GSN: variants seen among roughly 807,000 people sequenced by gnomAD.
The protein encoded by GSN is actin-depolymerizing factor.
Under a neutral mutation model 85.7 loss-of-function variants are expected in GSN, and 56 were observed. That is an observed-to-expected ratio of 0.65 (90% CI 0.53 to 0.82). GSN has a LOEUF of 0.82. Ranked by LOEUF, GSN falls within the 40% of genes least tolerant of loss-of-function variation. The pLI is 0.00. For synonymous variants in GSN, 373 were observed against 399.1 expected, an observed-to-expected ratio of 0.93 and a Z score of 0.78; for missense variants, 857 against 979.8, an observed-to-expected ratio of 0.87 and a Z score of 1.67.
chr9:121,314,093 CA>C (rs2061462165), intron 7 of GSN, 70 bp downstream of exon 7: 2 of 1,185,346 alleles, frequency 1.7e-6, no homozygotes, highest in East Asian at 4.7e-5. Context: ...TGGTCTTCCC[CA>C]CTCCACTGCT....
intron 4 of GSN, among the ~76,000 whole-genome samples, chr9:121,228,422 ATATTTTTTTT>A (rs1208862999): frequency 0.012 from 686 of 58,048 alleles, 8 homozygotes; most frequent in African/African-American, 0.065. Context: ...ATATATATAT[ATATTTTTTTT>A]TTTTTTTTTT....
At chr9:121,217,178 A>G (rs543971766) in intron 4 of GSN, among the ~76,000 whole-genome samples, 50 of 152,246 alleles carry the variant, frequency 3.3e-4, no homozygotes, top group African/African-American at 1.2e-3. Flanking sequence ...CCTGGCCAAC[A>G]TGGTGAAACC....
chr9:121,295,367 G>A (rs1219137870), intron 2 of GSN, among the ~76,000 whole-genome samples: 1 of 152,174 alleles, frequency 6.6e-6, no homozygotes, highest in Non-Finnish European at 1.5e-5. Context: ...AAAATCCCTG[G>A]TCAGAAGGGC....
At chr9:121,316,949 TA>T in intron 7 of GSN, 136 bp from the exon 8 acceptor site, 2 of 1,074,752 alleles carry the variant, frequency 1.9e-6, no homozygotes, top group Non-Finnish European at 2.8e-6. Flanking sequence ...AAAGAACCTC[TA>T]AATGTGTGCG....
chr9:121,233,771 A>G (rs573009712), intron 5 of GSN, among the ~76,000 whole-genome samples: 39 of 152,336 alleles, frequency 2.6e-4, no homozygotes, highest in African/African-American at 8.9e-4. Context: ...CCTAAAACCT[A>G]TAGCTAGCAA....
chr9:121,316,520 G>T (rs1178148656), intron 7 of GSN, among the ~76,000 whole-genome samples: 4 of 151,948 alleles, frequency 2.6e-5, no homozygotes, highest in Non-Finnish European at 5.9e-5. Flanking sequence ...ACCCAGGCTG[G>T]AGTGTAGTGA....
intron 4 of GSN, chr9:121,223,112 T>G (rs923855745): frequency 2.0e-5 from 3 of 152,114 alleles, no homozygotes; most frequent in African/African-American, 7.2e-5. Flanking sequence ...GCCGTTACAC[T>G]CCGCCATTTT....
chr9:121,320,662 A>T (rs1008764841), intron 10 of GSN, among the ~76,000 whole-genome samples: 2 of 151,940 alleles, frequency 1.3e-5, no homozygotes, highest in African/African-American at 2.4e-5. Context: ...CAAAAAAAAA[A>T]AAAAGAAAAA....
At chr9:121,319,516 T>C (rs1214889218) in intron 10 of GSN, among the ~76,000 whole-genome samples, 13 of 149,726 alleles carry the variant, frequency 8.7e-5, no homozygotes, top group Non-Finnish European at 1.6e-4. Context: ...AGAGACAGGG[T>C]CTCGCTATGT....
intron 1 of GSN, among the ~76,000 whole-genome samples, chr9:121,271,987 C>T (rs2056044055): frequency 6.6e-6 from 1 of 152,186 alleles, no homozygotes; most frequent in South Asian, 2.1e-4. Flanking sequence ...TGAGAAAATG[C>T]CAGCAGAAGC....
chr9:121,324,132 G>A (rs529817730), intron 11 of GSN, among the ~76,000 whole-genome samples: 1 of 152,294 alleles, frequency 6.6e-6, no homozygotes, highest in East Asian at 1.9e-4. Flanking sequence ...CGTGTTCATG[G>A]GAGGCTTAAT....
intron 4 of GSN, chr9:121,310,211 G>A (rs963712740): frequency 7.9e-6 from 2 of 254,650 alleles, no homozygotes; most frequent in African/African-American, 4.5e-5. Flanking sequence ...CATGCGCGTT[G>A]TATAACAGTC....
chr9:121,231,689 G>A (rs1466854421), intron 5 of GSN, among the ~76,000 whole-genome samples: 1 of 152,144 alleles, frequency 6.6e-6, no homozygotes, highest in Non-Finnish European at 1.5e-5. Flanking sequence ...ATGAGCTCTC[G>A]TGGTGATGTA....
chr9:121,287,292 G>A (rs370266485), intron 2 of GSN, among the ~76,000 whole-genome samples: 127 of 152,260 alleles, frequency 8.3e-4, no homozygotes, highest in African/African-American at 3.0e-3. Context: ...GAAGAGGAAA[G>A]GGCTCTAATT....
At chr9:121,322,743 T>C (rs887913592) in intron 11 of GSN, among the ~76,000 whole-genome samples, 7 of 152,232 alleles carry the variant, frequency 4.6e-5, no homozygotes, top group Admixed American at 2.0e-4. Flanking sequence ...GCCAATCTTA[T>C]GGTTTATAAA....
At chr9:121,331,491 C>CTT (rs2063894057) in intron 17 of GSN, 43 bp downstream of exon 17, 1 of 1,201,484 alleles carries the variant, frequency 8.3e-7, no homozygotes, top group African/African-American at 1.5e-5. Context: ...GGGTCCGTTG[C>CTT]TTGTGGGGTG....
chr9:121,280,813 T>C (rs2057274958), intron 1 of GSN: 1 of 152,142 alleles, frequency 6.6e-6, no homozygotes. Flanking sequence ...TTTATATAAC[T>C]TCAGAGTACT....
intron 4 of GSN, among the ~76,000 whole-genome samples, chr9:121,307,878 C>T (rs527530031): frequency 6.6e-6 from 1 of 152,326 alleles, no homozygotes; most frequent in East Asian, 1.9e-4. Flanking sequence ...CTGCGCTTCC[C>T]CTGCATTGCC....
intron 2 of GSN, among the ~76,000 whole-genome samples, chr9:121,286,990 A>G (rs1052217868): frequency 2.6e-5 from 4 of 152,112 alleles, no homozygotes; most frequent in Non-Finnish European, 5.9e-5. Flanking sequence ...AGGAGGTGTT[A>G]TTTGCAGATG....
Sources: allele counts gnomAD v4.1 joint callset (sites outside exome capture counted in the v4.1 genomes callset), GRCh38; gene constraint gnomAD v4.1.1; transcripts MANE v1.5; gene names NCBI Gene and HGNC (gene_info 2026-07-23, HGNC 2026-07-21).